DUS1L: variants seen among roughly 807,000 people sequenced by gnomAD.
DUS1L encodes tRNA-dihydrouridine(16/17) synthase [NAD(P)(+)]-like.
In DUS1L, 56 loss-of-function variants were observed where a neutral mutation model predicts 61.2. The observed-to-expected ratio is 0.92, with a 90% CI of 0.74 to 1.14. The LOEUF (loss-of-function observed/expected upper bound fraction) is 1.14. Among genes scored for constraint, DUS1L ranks in the 50% most tolerant of loss-of-function variants. The pLI is 0.00. For missense variants in DUS1L, 630 were observed against 632.4 expected, an observed-to-expected ratio of 1.00 and a Z score of 0.04; for synonymous variants, 278 against 259.5, an observed-to-expected ratio of 1.07 and a Z score of -0.69.
chr17:82,060,620 A>T (rs544381779), intron 10 of DUS1L, 81 bp downstream of exon 10: 5 of 1,515,376 alleles, frequency 3.3e-6, no homozygotes, highest in Non-Finnish European at 4.5e-6. Context: ...GAGGACAAGC[A>T]GGGCAGGCGC....
chr17:82,062,083 C>T (rs929851891), intron 5 of DUS1L, 100 bp from the exon 6 acceptor site: 8 of 1,083,218 alleles, frequency 7.4e-6, no homozygotes, highest in South Asian at 1.6e-5. Flanking sequence ...TCCACCCCTC[C>T]GAGCCCCCTC....
At position 82,064,887 on chromosome 17, in the gene DUS1L, G is replaced by T. The variant is rs777309559; in HGVS notation, c.173C>A (p.Ala58Asp). 1.2e-6 allele frequency: 2 copies of T among 1,612,612 alleles called. No individual in the cohort carries two copies. Among genetic ancestry groups the T allele is most frequent in the Middle Eastern group, 1.7e-4 (1 of 5,992 alleles). The change falls in exon 2 of 14, where the codon GCC (alanine) becomes GAC (aspartate). Residue 58 changes from alanine (A) to aspartate (D), a missense_variant. Transcript: ENST00000306796. ...GTACAGGTTCTCCTTCCGGTAGTTG[G>T]CGTCGCGGACAAAGACCTGGGCATG... The part of the protein sequence containing the change: ...MLHAQVFVRD[A>D]NYRKENLYCE...
Position 82,061,339 on chromosome 17 carries a change from TGTGCAGGTTGC to T in DUS1L, c.701_711del (p.Gly234GlufsTer159). On this transcript the variant is annotated frameshift_variant, in exon 8 of 14. Coordinates refer to ENST00000306796, the MANE Select transcript of DUS1L (RefSeq NM_022156.5). LOFTEE classifies it high-confidence loss of function. Reference sequence around the variant, plus strand: ...CTCCGGCCCTCGAACAGGGCGGGGTTGTGCAGGTTGCCCTCTGTGGGAGGAGGAGCGGGGAA... The same window carrying T: ...CTCCGGCCCTCGAACAGGGCGGGGTTCCTCTGTGGGAGGAGGAGCGGGGAA... 1.9e-6 allele frequency: 3 copies of T among 1,582,986 alleles called. No homozygotes were observed. The highest frequency in any genetic ancestry group is 2.6e-6 in the Non-Finnish European group (3 of 1,162,320).
chr17:82,064,346 G>T, intron 2 of DUS1L, 112 bp from the exon 3 acceptor site: 2 of 862,758 alleles, frequency 2.3e-6, no homozygotes, highest in Non-Finnish European at 1.8e-6. Flanking sequence ...CAGGTTCACT[G>T]CAGGAGGGTG....
At chr17:82,064,301 G>A (rs1241005599) in intron 2 of DUS1L, 67 bp from the exon 3 acceptor site, 48 of 1,382,910 alleles carry the variant, frequency 3.5e-5, no homozygotes, top group Non-Finnish European at 4.8e-5. Flanking sequence ...CCAGCCCTAC[G>A]AGAGGTCCAG....
intron 8 of DUS1L, 42 bp downstream of exon 8, chr17:82,061,167 G>T: frequency 6.4e-7 from 1 of 1,559,430 alleles, no homozygotes; most frequent in Admixed American, 1.8e-5. Context: ...AATCTGCCTG[G>T]GCGGCCCTCC....
chr17:82,063,891 A>C (rs2033634545), intron 3 of DUS1L, among the ~76,000 whole-genome samples: 1 of 152,172 alleles, frequency 6.6e-6, no homozygotes, highest in Admixed American at 6.5e-5. Context: ...AATCATGTTT[A>C]TGCAGAGGGA....
At chr17:82,062,767 T>C in intron 5 of DUS1L, 94 bp downstream of exon 5, 1 of 1,152,052 alleles carries the variant, frequency 8.7e-7, no homozygotes. Context: ...AGGCCGACGG[T>C]GCACGGTGTC....
At chr17:82,059,804 C>G in intron 11 of DUS1L, 144 bp downstream of exon 11, 1 of 1,231,992 alleles carries the variant, frequency 8.1e-7, no homozygotes, top group Non-Finnish European at 1.1e-6. Flanking sequence ...TGGCTGACTA[C>G]TCCGCCAAGC....
Position 82,058,389 on chromosome 17 carries a change from G to A in DUS1L, c.1234C>T (p.Arg412Cys), listed in dbSNP as rs368733115. Reference sequence around the variant, plus strand: ...GAGGCTCGCTTCTTGCAGCAGCCGCGGCACAGGCTGAACACACATCTGTTG... The same window carrying A: ...GAGGCTCGCTTCTTGCAGCAGCCGCAGCACAGGCTGAACACACATCTGTTG... ...KGNRCVFSLC[R>C]GCCKKRASKE... is the part of the protein sequence containing the mutation. Residue 412 changes from arginine to cysteine, a missense_variant, in exon 13 of 14, where the codon CGC becomes TGC. By Grantham distance (180) the Arg-to-Cys change is radical. Coordinates refer to ENST00000306796, the MANE Select transcript of DUS1L (RefSeq NM_022156.5). 1.1e-5 allele frequency: 16 copies of A among 1,490,906 alleles called. No homozygotes were observed. The highest frequency in any genetic ancestry group is 2.3e-5 in the East Asian group (1 of 42,602). The allele number at this position is 1,490,906 out of a possible 1,614,324, so 92.4% of individuals were successfully genotyped here.
At position 82,061,634 on chromosome 17, in the gene DUS1L, C is replaced by G; in HGVS notation, c.681G>C (p.Gln227His). 6.2e-7 allele frequency: 1 copy of G among 1,612,238 alleles called. No homozygotes were observed. Residue 227 changes from glutamine to histidine, a missense_variant, in exon 7 of 14, where the codon CAG (glutamine) becomes CAC (histidine). Gln to His is a conservative substitution (Grantham distance 24). Coordinates refer to ENST00000306796, the MANE Select transcript of DUS1L (RefSeq NM_022156.5). The part of the protein sequence containing the change: ...VERCLRDTGV[Q>H]GVMSAEGNLH... The stretch of plus-strand genomic sequence containing the variant: ...CCTGCCCACCTGCGCTCATGACGCC[C>G]TGCACACCCGTGTCCCGGAGGCAGC...
chr17:82,063,257 G>A (rs1209625161), intron 4 of DUS1L: 8 of 679,690 alleles, frequency 1.2e-5, no homozygotes, highest in Admixed American at 5.4e-5. Flanking sequence ...GGCACCTACT[G>A]TCTGGTTTTA....
At position 82,057,966 on chromosome 17, in the gene DUS1L, C is replaced by CATT. The variant is rs1267671516; in HGVS notation, c.*146_*148dup. ...GCCTGGGGCCTGCTCCCCACTGCAGCATTTCCAGGCCCCCAGAGTGGGCCG... is the reference window on the plus strand; with the variant it reads ...GCCTGGGGCCTGCTCCCCACTGCAGCATTATTTCCAGGCCCCCAGAGTGGGCCG... On this transcript the variant is annotated 3_prime_UTR_variant, in exon 14 of 14. Coordinates refer to ENST00000306796, the MANE Select transcript of DUS1L (RefSeq NM_022156.5). 8.7e-6 allele frequency: 9 copies of CATT among 1,030,648 alleles called. No individual in the cohort carries two copies. In the South Asian group the frequency reaches 1.9e-4, roughly 22 times the overall value. 63.8% of individuals were successfully genotyped at this position (1,030,648 alleles called of 1,614,324 possible).
chr17:82,057,923 GAGGACAGGGC>G lies in DUS1L; in HGVS notation c.*182_*191del. Reference sequence around the variant, plus strand: ...TTGTTCACTTTTGCACACGCGTGCTGAGGACAGGGCAGGTCCAGCCTGGGGCCTGCTCCCC... The same window carrying G: ...TTGTTCACTTTTGCACACGCGTGCTGAGGTCCAGCCTGGGGCCTGCTCCCC... On this transcript the variant is annotated 3_prime_UTR_variant, in exon 14 of 14. Transcript: ENST00000306796. 1.8e-6 allele frequency: 1 copy of G among 543,662 alleles called. No individual in the cohort carries two copies. Among genetic ancestry groups the G allele is most frequent in the Non-Finnish European group, 3.0e-6 (1 of 334,152 alleles). 33.7% of individuals were successfully genotyped at this position (543,662 alleles called of 1,614,324 possible).
chr17:82,065,022 G>GTGCGGCT lies in DUS1L; in HGVS notation c.31_37dup (p.Thr13LysfsTer74). ...CACGACGTGGCGGGCCCCTCGCAGG[G>GTGCGGCT]TGCGGCTCCAGAACTCGAAGCCCTG... is the stretch of plus-strand genomic sequence containing the variant. On this transcript the variant is annotated frameshift_variant, in exon 2 of 14. Coordinates refer to ENST00000306796, the MANE Select transcript of DUS1L (RefSeq NM_022156.5). LOFTEE classifies it high-confidence loss of function. The GTGCGGCT allele has an allele frequency of 1.9e-6, 3 of 1,607,404 alleles. No homozygotes were observed. Among genetic ancestry groups the GTGCGGCT allele is most frequent in the Non-Finnish European group, 2.6e-6 (3 of 1,176,460 alleles).
rs749261686 is a variant in DUS1L at position 82,058,181 on chromosome 17, C to A, written c.1356G>T (p.Glu452Asp). 6.2e-7 allele frequency: 1 copy of A among 1,600,972 alleles called. No homozygotes were observed. The highest frequency in any genetic ancestry group is 2.3e-5 in the East Asian group (1 of 44,286). The change falls in exon 14 of 14, where the codon GAG (glutamate) becomes GAT (aspartate). Residue 452 changes from glutamate to aspartate, a missense_variant. By Grantham distance (45) the Glu-to-Asp change is conservative. Transcript: ENST00000306796. ...AWKEAQPELQEPQPAAPGTPG... is the reference protein window; with the variant it reads ...AWKEAQPELQDPQPAAPGTPG... ...GTGTTCCAGGTGCTGCTGGCTGAGG[C>A]TCCTGCAGCTCAGGCTGGGCCTCTT...
chr17:82,063,100 C>CG, intron 4 of DUS1L, 127 bp from the exon 5 acceptor site: 1 of 784,668 alleles, frequency 1.3e-6, no homozygotes, highest in Non-Finnish European at 2.1e-6. Context: ...GGAGGCAGCC[C>CG]GGGCCACCAT....
rs149720351 is a variant in DUS1L at position 82,058,231 on chromosome 17, T to G, written c.1306A>C (p.Lys436Gln). ...TTCCAGGCCAGAGACTTCTCCAATT[T>G]GGTTTTAAAAAGCAATCCGTGACCT... ...CPGHGLLFKT[K>Q]LEKSLAWKEA... Residue 436 changes from lysine (K) to glutamine (Q), a missense_variant, in exon 14 of 14, where the codon AAA becomes CAA. Physicochemically the swap from Lys to Gln is moderately conservative, Grantham distance 53. Transcript: ENST00000306796. 1.9e-6 allele frequency: 3 copies of G among 1,585,160 alleles called. No homozygotes were observed. The highest frequency in any genetic ancestry group is 2.6e-6 in the Non-Finnish European group (3 of 1,160,356).
At chr17:82,059,622 G>C in intron 11 of DUS1L, 1 of 350,576 alleles carries the variant, frequency 2.9e-6, no homozygotes. Flanking sequence ...CAGCTGCTCA[G>C]GTGTCCTGTG....
Sources: allele counts gnomAD v4.1 joint callset (sites outside exome capture counted in the v4.1 genomes callset), GRCh38; gene constraint gnomAD v4.1.1; transcripts MANE v1.5; gene names NCBI Gene and HGNC (gene_info 2026-07-23, HGNC 2026-07-21).